COL6A5: variants seen among roughly 807,000 people sequenced by gnomAD.
COL6A5 encodes the protein collagen type VI alpha 5 chain, also known as collagen alpha-5(VI) chain.
Under a neutral mutation model 65.6 loss-of-function variants are expected in COL6A5, and 48 were observed. The ratio of observed to expected loss-of-function variants is 0.73; its 90% CI spans 0.58 to 0.93. The LOEUF (loss-of-function observed/expected upper bound fraction) is 0.93. Ranked by LOEUF, COL6A5 falls within the 40% of genes least tolerant of loss-of-function variation. The probability of loss-of-function intolerance (pLI) is 0.00; values close to 1 mark genes in which losing one functional copy is unlikely to be tolerated. For synonymous variants in COL6A5, 291 were observed against 322.8 expected (o/e 0.90, Z 1.05); for missense variants, 914 against 928.3 (o/e 0.98, Z 0.20).
chr3:130,435,404 G>A (rs1481224409), intron 1 of COL6A5, among the ~76,000 whole-genome samples: 1 of 152,112 alleles, frequency 6.6e-6, no homozygotes, highest in Non-Finnish European at 1.5e-5. Flanking sequence ...TTTTGCTTAG[G>A]ATTGTCTTGG....
intron 8 of COL6A5, among the ~76,000 whole-genome samples, chr3:130,397,251 G>A (rs1936634483): frequency 6.6e-6 from 1 of 152,014 alleles, no homozygotes. Flanking sequence ...ACACACATAC[G>A]ACAGAGTCAC....
upstream of COL6A5, chr3:130,429,586 T>A (rs1937708014): frequency 6.5e-7 from 1 of 1,544,638 alleles, no homozygotes; most frequent in African/African-American, 1.4e-5. Flanking sequence ...GCTGGAAAGG[T>A]GAGTATTCTT....
chr3:130,480,430 T>G (rs2935463), intron 7 of COL6A5, among the ~76,000 whole-genome samples: 143,396 of 152,096 alleles, frequency 0.94, 67,873 homozygotes, highest in Non-Finnish European at 0.99. Context: ...GCATATAAAC[T>G]TATTAGAGTT....
intron 25 of COL6A5, among the ~76,000 whole-genome samples, chr3:130,419,423 T>C (rs1219990621): frequency 6.6e-6 from 1 of 152,190 alleles, no homozygotes; most frequent in African/African-American, 2.4e-5. Flanking sequence ...AAAAAATTAA[T>C]GTTTATTACA....
chr3:130,429,583 AG>A (rs1333219455), upstream of COL6A5: 3 of 1,547,356 alleles, frequency 1.9e-6, no homozygotes, highest in Non-Finnish European at 1.7e-6. Flanking sequence ...CTTGCTGGAA[AG>A]GTGAGTATTC....
upstream of COL6A5, among the ~76,000 whole-genome samples, chr3:130,429,768 C>G (rs1210262844): frequency 6.6e-6 from 1 of 152,180 alleles, no homozygotes; most frequent in African/African-American, 2.4e-5. Flanking sequence ...GAAATGGTGA[C>G]TGAATCCCAG....
intron 1 of COL6A5, among the ~76,000 whole-genome samples, chr3:130,364,863 G>A (rs1255462680): frequency 1.3e-5 from 2 of 152,166 alleles, no homozygotes; most frequent in African/African-American, 4.8e-5. Flanking sequence ...ATTCTGGTCA[G>A]GATTCTTTTT....
At chr3:130,385,192 T>C (rs1936141190) in exon 5 of COL6A5, 3 of 1,550,922 alleles carry the variant, frequency 1.9e-6, no homozygotes, top group Admixed American at 2.0e-5. Flanking sequence ...TGGAACCTGC[T>C]AAGAGACTAA....
At chr3:130,451,271 G>T (rs187732587) in intron 4 of COL6A5, among the ~76,000 whole-genome samples, 1 of 152,228 alleles carries the variant, frequency 6.6e-6, no homozygotes, top group East Asian at 1.9e-4. Flanking sequence ...TGAAGAGTAG[G>T]CATCTGAGAT....
At chr3:130,366,802 A>G (rs1467360386) in intron 1 of COL6A5, among the ~76,000 whole-genome samples, 1 of 152,222 alleles carries the variant, frequency 6.6e-6, no homozygotes, top group Admixed American at 6.5e-5. Flanking sequence ...ACTATGGGGT[A>G]GGCATTGAAG....
chr3:130,474,161 A>C (rs11915195), intron 7 of COL6A5, among the ~76,000 whole-genome samples: 20,422 of 151,962 alleles, frequency 0.13, 1,468 homozygotes, highest in African/African-American at 0.17. Flanking sequence ...GGAATACTCT[A>C]CTTGGAATTA....
At position 130,455,587 on chromosome 3, in the gene COL6A5, C is replaced by G. The variant is rs747104120; in HGVS notation, c.1467C>G (p.Ser489Arg). Residue 489 changes from serine (S) to arginine (R), a missense_variant, in exon 5 of 8, where the codon AGC becomes AGG. Ser to Arg is a moderately radical substitution (Grantham distance 110, BLOSUM62 -1). Transcript: ENST00000512836. ...GTGACTATTTGGTTTACCTTCCAAG[C>G]CAAATGTTTGAGCCACAAAAATTAA... 1.9e-6 allele frequency: 3 copies of G among 1,612,736 alleles called. No homozygotes were observed. The African/African-American group carries it at 4.0e-5, about 22-fold the overall frequency.
At chr3:130,410,430 AT>A (rs1457651990) in intron 19 of COL6A5, 40 bp from the exon 20 acceptor site, 1 of 1,474,436 alleles carries the variant, frequency 6.8e-7, no homozygotes, top group Non-Finnish European at 9.3e-7. Flanking sequence ...TTTATTCAGA[AT>A]TTTTTCCTTT....
chr3:130,442,145 G>GA (rs1709197097), intron 3 of COL6A5, among the ~76,000 whole-genome samples: 1 of 151,916 alleles, frequency 6.6e-6, no homozygotes, highest in Non-Finnish European at 1.5e-5. Flanking sequence ...TAATGTAAAG[G>GA]AAAAAAATGT....
At chr3:130,439,388 C>A (rs1374167796) in intron 1 of COL6A5, 134 bp from the exon 34 acceptor site, 7 of 577,512 alleles carry the variant, frequency 1.2e-5, no homozygotes, top group Non-Finnish European at 2.2e-5. Flanking sequence ...TGAACATGCA[C>A]TGAATGGAGC....
In COL6A5 at chr3:130,439,638, A is replaced by G. The variant is rs903334642; in HGVS notation, c.581+23A>G. The stretch of plus-strand genomic sequence containing the variant: ...ATGGTAAGACCAATGAAGAGAATTG[A>G]CTGTGCTGAAGAGCTTAAATGCCTT... On this transcript the variant is annotated intron_variant, in intron 2 of 7. Coordinates refer to ENST00000512836, the Ensembl canonical transcript of COL6A5. 4.0e-6 allele frequency: 6 copies of G among 1,511,388 alleles called. No homozygotes were observed. In the African/African-American group the frequency reaches 6.9e-5, roughly 17 times the overall value. 93.6% of individuals were successfully genotyped at this position (1,511,388 alleles called of 1,614,324 possible). A position where few individuals can be genotyped will look rare whatever the true frequency, so the allele number is the denominator to read the frequency against.
In COL6A5 at chr3:130,481,163, A is replaced by C. The variant is rs947488605; in HGVS notation, c.2329-2872A>C. ...CCACACCCATCAACCCGTCATCTAC[A>C]TTAGGTATTTCTCCTAATGCTATCA... On this transcript the variant is annotated intron_variant, in intron 7 of 7. Coordinates refer to ENST00000512836, the Ensembl canonical transcript of COL6A5. Among the ~76,000 whole-genome samples, 4 of 152,090 alleles carry C rather than the reference A, an allele frequency of 2.6e-5. No homozygotes were observed. The South Asian group carries it at 8.3e-4, about 32-fold the overall frequency.
At chr3:130,359,296 C>G (rs931090378) in intron 1 of COL6A5, among the ~76,000 whole-genome samples, 4 of 152,016 alleles carry the variant, frequency 2.6e-5, no homozygotes, top group African/African-American at 7.2e-5. Flanking sequence ...TTGTTTTGTG[C>G]AGGTTTAACA....
At chr3:130,429,869 T>G (rs1465862865), upstream of COL6A5, among the ~76,000 whole-genome samples, 2 of 152,208 alleles carry the variant, frequency 1.3e-5, no homozygotes, top group Non-Finnish European at 2.9e-5. Context: ...CATGGCTCTC[T>G]GACTAATCCA....
Sources: allele counts gnomAD v4.1 joint callset (sites outside exome capture counted in the v4.1 genomes callset), GRCh38; gene constraint gnomAD v4.1.1; transcripts MANE v1.5; gene names NCBI Gene and HGNC (gene_info 2026-07-23, HGNC 2026-07-21).